Variants in ARHGAP24 observed in about 807,000 individuals in gnomAD.
The protein encoded by ARHGAP24 is rho GTPase-activating protein 24.
ARHGAP24 carries 50 observed loss-of-function variants against 76.4 expected under a neutral mutation model. The ratio of observed to expected loss-of-function variants is 0.65; its 90% CI spans 0.52 to 0.83. ARHGAP24 has a LOEUF of 0.83. Among genes scored for constraint, ARHGAP24 ranks in the 40% least tolerant of loss-of-function variants. The pLI is 0.00. For synonymous variants in ARHGAP24, 345 were observed against 323.3 expected (o/e 1.07, Z -0.72); for missense variants, 930 against 914.2 (o/e 1.02, Z -0.22).
intron 5 of ARHGAP24, among the ~76,000 whole-genome samples, chr4:85,945,959 A>G (rs910586637): frequency 4.6e-5 from 7 of 152,170 alleles, no homozygotes; most frequent in Non-Finnish European, 7.3e-5. Flanking sequence ...AAAAGGTTTA[A>G]TTAATAACTT....
intron 1 of ARHGAP24, among the ~76,000 whole-genome samples, chr4:85,537,135 A>T (rs1422977324): frequency 6.6e-6 from 1 of 152,064 alleles, no homozygotes. Context: ...TAGTCTCCTT[A>T]TCATTCACAC....
At chr4:85,508,057 T>C (rs1410911554) in intron 1 of ARHGAP24, among the ~76,000 whole-genome samples, 1 of 18,046 alleles carries the variant, frequency 5.5e-5, no homozygotes, top group Non-Finnish European at 2.5e-4. Context: ...TCATTATTCT[T>C]TTTTTTTTTT....
intron 3 of ARHGAP24, among the ~76,000 whole-genome samples, chr4:85,779,602 ACTTTT>A (rs1727448391): frequency 6.6e-6 from 1 of 151,098 alleles, no homozygotes; most frequent in Non-Finnish European, 1.5e-5. Context: ...TAATAAGCCT[ACTTTT>A]CTTTTTTTAA....
At chr4:85,597,512 G>A (rs940888770) in intron 2 of ARHGAP24, among the ~76,000 whole-genome samples, 1 of 152,046 alleles carries the variant, frequency 6.6e-6, no homozygotes, top group Admixed American at 6.6e-5. Flanking sequence ...TATCCCCCAA[G>A]TCTGTCTGTG....
intron 3 of ARHGAP24, among the ~76,000 whole-genome samples, chr4:85,848,493 T>C (rs1480441595): frequency 6.6e-6 from 1 of 152,232 alleles, no homozygotes; most frequent in East Asian, 1.9e-4. Context: ...TTTGACCACG[T>C]CATTACAAAG....
intron 2 of ARHGAP24, among the ~76,000 whole-genome samples, chr4:85,640,206 T>C (rs1578100137): frequency 1.3e-5 from 2 of 152,172 alleles, no homozygotes; most frequent in South Asian, 2.1e-4. Flanking sequence ...CAGCTATTAA[T>C]AGGAGAGTCC....
At chr4:85,527,056 G>A (rs1725034985) in intron 1 of ARHGAP24, among the ~76,000 whole-genome samples, 2 of 152,234 alleles carry the variant, frequency 1.3e-5, no homozygotes, top group South Asian at 2.1e-4. Context: ...CTCAGGACAT[G>A]TGAAATAGAT....
intron 1 of ARHGAP24, among the ~76,000 whole-genome samples, chr4:85,566,350 G>A (rs1202950145): frequency 6.6e-6 from 1 of 152,096 alleles, no homozygotes; most frequent in Non-Finnish European, 1.5e-5. Flanking sequence ...ACCACAATTG[G>A]TTATGTGTAT....
At chr4:85,800,840 T>C (rs1728551088) in intron 3 of ARHGAP24, among the ~76,000 whole-genome samples, 1 of 152,216 alleles carries the variant, frequency 6.6e-6, no homozygotes, top group South Asian at 2.1e-4. Context: ...AAGTAGTTTA[T>C]TTCCTAGATA....
intron 2 of ARHGAP24, among the ~76,000 whole-genome samples, chr4:85,598,621 G>A (rs1320564051): frequency 1.3e-5 from 2 of 151,900 alleles, no homozygotes; most frequent in African/African-American, 2.4e-5. Context: ...ATTGAATAGT[G>A]TTGGATCTCA....
intron 3 of ARHGAP24, among the ~76,000 whole-genome samples, chr4:85,881,037 A>G (rs1419669805): frequency 4.6e-5 from 7 of 152,194 alleles, no homozygotes; most frequent in Non-Finnish European, 8.8e-5. Flanking sequence ...AATTGCCACC[A>G]TCACTACTCT....
At chr4:85,873,874 A>C (rs1391669420) in intron 3 of ARHGAP24, among the ~76,000 whole-genome samples, 2 of 152,230 alleles carry the variant, frequency 1.3e-5, no homozygotes, top group Non-Finnish European at 2.9e-5. Context: ...CCTCTGTATG[A>C]ATAAAATAAA....
intron 2 of ARHGAP24, among the ~76,000 whole-genome samples, chr4:85,589,065 A>C (rs894603445): frequency 1.3e-5 from 2 of 152,248 alleles, no homozygotes; most frequent in Admixed American, 1.3e-4. Context: ...AGATGTGGGC[A>C]TATAATGAAT....
At chr4:85,685,331 C>A (rs1560584872) in intron 2 of ARHGAP24, among the ~76,000 whole-genome samples, 1 of 152,138 alleles carries the variant, frequency 6.6e-6, no homozygotes, top group African/African-American at 2.4e-5. Context: ...ATGCCCTCAA[C>A]AGAAGTCTCC....
chr4:85,544,705 T>C (rs908685138), intron 1 of ARHGAP24, among the ~76,000 whole-genome samples: 1 of 152,074 alleles, frequency 6.6e-6, no homozygotes, highest in Non-Finnish European at 1.5e-5. Context: ...CATACATATA[T>C]ATATACACAT....
At chr4:85,946,837 A>G (rs1342593861) in intron 5 of ARHGAP24, among the ~76,000 whole-genome samples, 1 of 152,100 alleles carries the variant, frequency 6.6e-6, no homozygotes, top group African/African-American at 2.4e-5. Flanking sequence ...TTTCCTTTGG[A>G]TATATACCTA....
chr4:85,839,843 CTTTTTTT>C (rs33974767), intron 3 of ARHGAP24, among the ~76,000 whole-genome samples: 3 of 105,630 alleles, frequency 2.8e-5, no homozygotes, highest in African/African-American at 7.7e-5. Context: ...TTTCTGTTTT[CTTTTTTT>C]TTTTTTTTTT....
chr4:85,653,900 G>C (rs1444918086), intron 2 of ARHGAP24, among the ~76,000 whole-genome samples: 1 of 152,020 alleles, frequency 6.6e-6, no homozygotes, highest in Non-Finnish European at 1.5e-5. Context: ...TTCCATCATG[G>C]AAGAATGTTC....
intron 2 of ARHGAP24, among the ~76,000 whole-genome samples, chr4:85,659,281 T>G (rs541121031): frequency 6.6e-6 from 1 of 152,350 alleles, no homozygotes; most frequent in South Asian, 2.1e-4. Flanking sequence ...AGGGCGCTGC[T>G]AGTGCAGTAT....
Sources: gnomAD v4.1 joint callset for allele counts (sites outside exome capture counted in the v4.1 genomes callset) on GRCh38, gnomAD v4.1.1 for gene constraint, MANE v1.5 for transcripts, NCBI Gene and HGNC (gene_info 2026-07-23, HGNC 2026-07-21) for gene names.